The following ITGB4 variants were observed in gnomAD, a reference collection of about 807,000 sequenced individuals.
ITGB4 encodes integrin beta-4.
A neutral mutation model predicts 207.6 loss-of-function variants in ITGB4; 159 were observed. The observed-to-expected ratio is 0.77, with a 90% CI of 0.67 to 0.87. ITGB4 has a LOEUF of 0.87. Among genes scored for constraint, ITGB4 ranks in the 40% least tolerant of loss-of-function variants. The pLI, the probability that ITGB4 is intolerant of heterozygous loss-of-function variation, is 0.00. For synonymous variants in ITGB4, 1,020 were observed against 1,062.7 expected, an observed-to-expected ratio of 0.96 and a Z score of 0.78; for missense variants, 2,278 against 2,546.8, an observed-to-expected ratio of 0.89 and a Z score of 2.27.
chr17:75,757,131 C>G, intron 38 of ITGB4, 24 bp downstream of exon 38: 2 of 1,612,906 alleles, frequency 1.2e-6, no homozygotes, highest in Non-Finnish European at 8.5e-7. Context: ...CTTTCCTTCA[C>G]CCCCACCCCT....
chr17:75,747,637 A>T (rs2061261255), intron 26 of ITGB4, among the ~76,000 whole-genome samples: 1 of 152,164 alleles, frequency 6.6e-6, no homozygotes, highest in African/African-American at 2.4e-5. Context: ...TTTAATCTAG[A>T]AAAGTTTCCT....
Position 75,722,300 on chromosome 17 carries a change from C to G in ITGB4, c.-11+688C>G, listed in dbSNP as rs1196998919. ...CGCCCTCTTTCCCATGGCTCAGCCT[C>G]TGGGGTGGCCCTCTGGCTGGGACTG... On this transcript the variant is annotated intron_variant, in intron 1 of 39. Coordinates refer to ENST00000200181, the MANE Select transcript of ITGB4 (RefSeq NM_000213.5). This position sits in a 1 kb window ranked among gnomAD's most constrained non-coding sequence, Gnocchi z 6.2. Among the ~76,000 whole-genome samples, 1 of 152,194 alleles carries G rather than the reference C, an allele frequency of 6.6e-6. No individual in the cohort carries two copies. The highest frequency in any genetic ancestry group is 2.4e-5 in the African/African-American group (1 of 41,456).
chr17:75,742,789 G>A lies in ITGB4; in HGVS notation c.2962+28G>A, dbSNP rs916152. On this transcript the variant is annotated intron_variant, in intron 25 of 39. Coordinates refer to ENST00000200181, the MANE Select transcript of ITGB4 (RefSeq NM_000213.5). The surrounding 1 kb of genome is among the most constrained non-coding windows in gnomAD (Gnocchi z 5.9). ...GGGTCTGGGTGGGGAGAGTGGGGAA[G>A]GCAGACGGGGGCTCGGGGGCACTGG... 3.1e-6 allele frequency: 5 copies of A among 1,590,936 alleles called. No individual in the cohort carries two copies. The highest frequency in any genetic ancestry group is 8.5e-7 in the Non-Finnish European group (1 of 1,172,364).
At chr17:75,723,803 G>A (rs2060662894) in intron 1 of ITGB4, among the ~76,000 whole-genome samples, 1 of 152,264 alleles carries the variant, frequency 6.6e-6, no homozygotes, top group Non-Finnish European at 1.5e-5. Context: ...TAGAGAAAGA[G>A]GCGCGGTGCT....
At position 75,757,230 on chromosome 17, in the gene ITGB4, G is replaced by C. The variant is rs1315840265; in HGVS notation, c.5249G>C (p.Gly1750Ala). ...GPFPQLGSRA[G>A]LFQHPLQSEY... Reference sequence around the variant, plus strand: ...TTCCCGCAGCTGGGCAGCCGTGCCGGGCTCTTCCAGCACCCGCTGCAAAGC... The same window carrying C: ...TTCCCGCAGCTGGGCAGCCGTGCCGCGCTCTTCCAGCACCCGCTGCAAAGC... Residue 1750 changes from glycine to alanine, a missense_variant, in exon 39 of 40, where the codon GGG becomes GCG. By Grantham distance (60) the Gly-to-Ala change is moderately conservative. Coordinates refer to ENST00000200181, the MANE Select transcript of ITGB4 (RefSeq NM_000213.5). 9 of 1,611,916 alleles carry C rather than the reference G, an allele frequency of 5.6e-6. No homozygotes were observed. The highest frequency in any genetic ancestry group is 6.8e-6 in the Non-Finnish European group (8 of 1,179,968).
At position 75,730,363 on chromosome 17, in the gene ITGB4, G is replaced by A. The variant is rs2060824435; in HGVS notation, c.861G>A (p.Arg287=). The change falls in exon 8 of 40, where the codon CGG becomes CGA. Residue 287 remains arginine, a synonymous_variant. Transcript: ENST00000200181. ...GCATCATGAGCCGCAACGATGAACG[G>A]TGCCACCTGGACACCACGGGCACCT... ...LAGIMSRNDE[R]CHLDTTGTYT... 1.3e-5 allele frequency: 21 copies of A among 1,613,886 alleles called. No individual in the cohort carries two copies. The highest frequency in any genetic ancestry group is 1.6e-5 in the Non-Finnish European group (19 of 1,180,018).
Position 75,740,730 on chromosome 17 carries a change from C to T in ITGB4, c.2551-63C>T. Reference sequence around the variant, plus strand: ...GAGGCTGCCTGGCTCCCTGGGTCCCCAGCCTGAGGGCTTGCCACGGGGTGG... The same window carrying T: ...GAGGCTGCCTGGCTCCCTGGGTCCCTAGCCTGAGGGCTTGCCACGGGGTGG... On this transcript the variant is annotated intron_variant, in intron 21 of 39. Transcript: ENST00000200181. This position sits in a 1 kb window ranked among gnomAD's most constrained non-coding sequence, Gnocchi z 5.9. The T allele has an allele frequency of 6.3e-7, 1 of 1,581,208 alleles. No individual in the cohort carries two copies. The highest frequency in any genetic ancestry group is 8.7e-7 in the Non-Finnish European group (1 of 1,152,616).
intron 1 of ITGB4, among the ~76,000 whole-genome samples, chr17:75,724,408 C>A (rs572754498): frequency 5.3e-5 from 8 of 152,270 alleles, no homozygotes. Flanking sequence ...CTCAGGGAGC[C>A]CAGTGCTGAG....
intron 6 of ITGB4, among the ~76,000 whole-genome samples, chr17:75,728,851 G>A (rs1450680952): frequency 6.6e-6 from 1 of 152,088 alleles, no homozygotes; most frequent in Non-Finnish European, 1.5e-5. Context: ...AGGCGTGATG[G>A]TGGGCACCGG....
rs767613447 is a variant in ITGB4, at chr17:75,731,373, G to T, written c.1215+5G>T. ...CACATCCGGCGGGGGGAAGTGGTAC[G>T]CCTCTGTGGGGGCAGCGGGGTGGGG... On this transcript the variant is annotated splice_donor_5th_base_variant and intron_variant, in intron 10 of 39. Transcript: ENST00000200181. The surrounding 1 kb of genome is among the most constrained non-coding windows in gnomAD (Gnocchi z 6.8). 5 of 1,609,676 alleles carry T rather than the reference G, an allele frequency of 3.1e-6. No homozygotes were observed. Among genetic ancestry groups the T allele is most frequent in the Non-Finnish European group, 3.4e-6 (4 of 1,177,672 alleles).
intron 35 of ITGB4, 151 bp from the exon 36 acceptor site, chr17:75,756,278 C>A: frequency 2.7e-6 from 2 of 753,104 alleles, no homozygotes; most frequent in African/African-American, 1.7e-5. Flanking sequence ...GAACAACCAG[C>A]CATACCATAC....
rs755867749 is a variant in ITGB4 at position 75,754,594 on chromosome 17, G to A, written c.4337G>A (p.Arg1446Gln). Residue 1446 changes from arginine (R) to glutamine (Q), a missense_variant, in exon 34 of 40, where the codon CGG becomes CAG. Arg to Gln is a conservative substitution (Grantham distance 43, BLOSUM62 1). Transcript: ENST00000200181. ...CCTGCAGAGCACCTGGTGAATGGCC[G>A]GATGGACTTTGCCTTCCCGGGCAGC... ...GPPGEHLVNGRMDFAFPGSTN... is the reference protein window; with the variant it reads ...GPPGEHLVNGQMDFAFPGSTN... 77 of 1,613,624 alleles carry A rather than the reference G, an allele frequency of 4.8e-5. No individual in the cohort carries two copies. The highest frequency in any genetic ancestry group is 6.7e-5 in the East Asian group (3 of 44,884).
chr17:75,754,422 G>A (rs2061439224), intron 33 of ITGB4, 154 bp from the exon 34 acceptor site: 1 of 886,564 alleles, frequency 1.1e-6, no homozygotes, highest in Non-Finnish European at 1.8e-6. Context: ...CAGGGACAGA[G>A]GGCCTCTGTC....
rs755565939 is a variant in ITGB4 at position 75,748,833 on chromosome 17, A to G, written c.3112-8A>G. The G allele has an allele frequency of 6.2e-7, 1 of 1,602,638 alleles. No individual in the cohort carries two copies. Among genetic ancestry groups the G allele is most frequent in the Admixed American group, 1.7e-5 (1 of 58,602 alleles). On this transcript the variant is annotated splice_region_variant and splice_polypyrimidine_tract_variant and intron_variant, in intron 26 of 39. Coordinates refer to ENST00000200181, the MANE Select transcript of ITGB4 (RefSeq NM_000213.5). ...CATGACCCTGACCCTGACCCCCTCC[A>G]CTCCCAGGACTACATCCCCGTGGAG...
In ITGB4 at chr17:75,753,746, G is replaced by A; in HGVS notation, c.4109-19G>A. On this transcript the variant is annotated intron_variant, in intron 32 of 39. Coordinates refer to ENST00000200181, the MANE Select transcript of ITGB4 (RefSeq NM_000213.5). ...GGCGCCCCCCGGCGGTGCCAACGCG[G>A]CCCTTCGTTGTTCCCAAGGCTGCGG... 1 of 1,405,686 alleles carries A rather than the reference G, an allele frequency of 7.1e-7. No homozygotes were observed. The highest frequency in any genetic ancestry group is 1.7e-5 in the South Asian group (1 of 60,012). 87.1% of individuals were successfully genotyped at this position (1,405,686 alleles called of 1,614,324 possible).
chr17:75,737,386 C>T lies in ITGB4; in HGVS notation c.2055C>T (p.Thr685=). 1.3e-6 allele frequency: 2 copies of T among 1,577,040 alleles called. No homozygotes were observed. Among genetic ancestry groups the T allele is most frequent in the African/African-American group, 1.4e-5 (1 of 74,006 alleles). Reference sequence around the variant, plus strand: ...ATGACGACTGCACCTACAGCTACACCATGGAAGGTGACGGCGCCCCTGGGC... The same window carrying T: ...ATGACGACTGCACCTACAGCTACACTATGGAAGGTGACGGCGCCCCTGGGC... The part of the protein sequence containing the change: ...DEDDDCTYSY[T]MEGDGAPGPN... The change falls in exon 17 of 40, where the codon ACC becomes ACT. Residue 685 remains threonine (T), a synonymous_variant. Transcript: ENST00000200181.
chr17:75,722,359 G>A lies in ITGB4; in HGVS notation c.-11+747G>A, dbSNP rs979831858. Among the ~76,000 whole-genome samples the A allele has an allele frequency of 2.0e-5, 3 of 152,196 alleles. No individual in the cohort carries two copies. The highest frequency in any genetic ancestry group is 2.9e-5 in the Non-Finnish European group (2 of 68,028). ...GGGCTCCTGGTGACTCCCAGGAGCA[G>A]GGACAGGGCTTCTCCTCTGCCCCCA... On this transcript the variant is annotated intron_variant, in intron 1 of 39. Transcript: ENST00000200181. The surrounding 1 kb of genome is among the most constrained non-coding windows in gnomAD (Gnocchi z 6.2).
chr17:75,743,062 C>A (rs544508720), intron 25 of ITGB4, among the ~76,000 whole-genome samples: 35 of 152,204 alleles, frequency 2.3e-4, no homozygotes, highest in African/African-American at 8.4e-4. Flanking sequence ...AGGCATCACA[C>A]CGTGGACATC....
In ITGB4 at chr17:75,750,663, C is replaced by T; in HGVS notation, c.3475-17C>T. 2 of 1,611,762 alleles carry T rather than the reference C, an allele frequency of 1.2e-6. No individual in the cohort carries two copies. The highest frequency in any genetic ancestry group is 2.2e-5 in the South Asian group (2 of 91,002). ...CTGCTGCTCCCTGCTGACCAGGACC[C>T]CTGTCCCTGGGGGTAGGTAAAGTAC... On this transcript the variant is annotated splice_polypyrimidine_tract_variant and intron_variant, in intron 28 of 39. Transcript: ENST00000200181. The surrounding 1 kb of genome is among the most constrained non-coding windows in gnomAD (Gnocchi z 5.5).
Sources: gnomAD v4.1 joint callset for allele counts (sites outside exome capture counted in the v4.1 genomes callset) on GRCh38, gnomAD v4.1.1 for gene constraint, Gnocchi (gnomAD v3.1) non-coding constraint, MANE v1.5 for transcripts, NCBI Gene and HGNC (gene_info 2026-07-23, HGNC 2026-07-21) for gene names.